Variants in ASIC2 observed in about 807,000 individuals in gnomAD.
ASIC2 encodes the protein acid sensing ion channel subunit 2.
Under a neutral mutation model 57.3 loss-of-function variants are expected in ASIC2, and 25 were observed. The ratio of observed to expected loss-of-function variants is 0.44; its 90% CI spans 0.32 to 0.61. The LOEUF (loss-of-function observed/expected upper bound fraction) is 0.61. ASIC2 is among the 20% of genes least tolerant of loss of function. ASIC2 has a pLI of 0.06. For missense variants in ASIC2, 641 were observed against 738.1 expected (o/e 0.87, Z 1.52); for synonymous variants, 319 against 307.5 (o/e 1.04, Z -0.39).
At chr17:33,543,119 C>T (rs1915470870) in intron 1 of ASIC2, among the ~76,000 whole-genome samples, 1 of 125,642 alleles carries the variant, frequency 8.0e-6, no homozygotes, top group African/African-American at 3.3e-5. Flanking sequence ...GGGAATATCA[C>T]ACTCTGGGGA....
At chr17:33,034,409 A>T (rs535444400) in intron 3 of ASIC2, among the ~76,000 whole-genome samples, 9 of 152,304 alleles carry the variant, frequency 5.9e-5, no homozygotes, top group Admixed American at 5.2e-4. Flanking sequence ...AGGTGGGAGG[A>T]TCGCTTGAGC....
intron 1 of ASIC2, among the ~76,000 whole-genome samples, chr17:33,414,047 C>A (rs1021119570): frequency 2.6e-5 from 4 of 152,188 alleles, no homozygotes; most frequent in Non-Finnish European, 4.4e-5. Context: ...CTTGCAGTAG[C>A]CCGAGAGTAG....
intron 1 of ASIC2, among the ~76,000 whole-genome samples, chr17:34,023,378 AACACACACACAC>A (rs59456457): frequency 3.4e-5 from 5 of 147,496 alleles, no homozygotes; most frequent in South Asian, 4.4e-4. Flanking sequence ...CTCTGTCACA[AACACACACACAC>A]ACACACACAC....
chr17:33,364,916 G>A (rs113274016), intron 1 of ASIC2, among the ~76,000 whole-genome samples: 13 of 152,164 alleles, frequency 8.5e-5, no homozygotes, highest in African/African-American at 1.9e-4. Context: ...GTCCAACTCC[G>A]CAGTCAAGTA....
At chr17:33,986,066 C>T (rs1011219280) in intron 1 of ASIC2, among the ~76,000 whole-genome samples, 1 of 152,130 alleles carries the variant, frequency 6.6e-6, no homozygotes, top group African/African-American at 2.4e-5. Flanking sequence ...TTGCAATCCC[C>T]CTTATTTGAA....
At chr17:33,191,182 G>A (rs1194029083) in intron 1 of ASIC2, among the ~76,000 whole-genome samples, 4 of 152,104 alleles carry the variant, frequency 2.6e-5, no homozygotes, top group African/African-American at 9.7e-5. Flanking sequence ...CAACAACATG[G>A]AGAGGTCTAA....
intron 1 of ASIC2, among the ~76,000 whole-genome samples, chr17:33,186,930 T>C (rs1906219949): frequency 6.6e-6 from 1 of 152,192 alleles, no homozygotes; most frequent in African/African-American, 2.4e-5. Context: ...CTAGATCAGA[T>C]TGTGATGTGC....
chr17:33,045,256 C>T (rs1567725277), intron 3 of ASIC2, among the ~76,000 whole-genome samples: 1 of 152,192 alleles, frequency 6.6e-6, no homozygotes, highest in Non-Finnish European at 1.5e-5. Context: ...TCTGTGCCCT[C>T]CCTTCCTCTC....
intron 1 of ASIC2, among the ~76,000 whole-genome samples, chr17:34,099,168 GA>G (rs1183556923): frequency 0.014 from 98 of 6,780 alleles, 9 homozygotes; most frequent in African/African-American, 0.026. Context: ...GAGAGAGAAA[GA>G]AAGAAAGAAA....
chr17:33,672,003 T>TC (rs940087307), intron 1 of ASIC2, among the ~76,000 whole-genome samples: 3 of 151,858 alleles, frequency 2.0e-5, no homozygotes, highest in East Asian at 1.9e-4. Flanking sequence ...AGTTCACTTT[T>TC]CCCCCCCTAT....
intron 3 of ASIC2, among the ~76,000 whole-genome samples, chr17:33,077,696 C>T (rs1344496232): frequency 2.0e-5 from 3 of 152,144 alleles, no homozygotes; most frequent in Non-Finnish European, 4.4e-5. Flanking sequence ...TTTGTCACAA[C>T]ATAAACAAAT....
At chr17:33,074,775 G>T (rs757144875) in intron 3 of ASIC2, among the ~76,000 whole-genome samples, 8 of 152,172 alleles carry the variant, frequency 5.3e-5, no homozygotes, top group African/African-American at 1.9e-4. Context: ...TCCAGTCATT[G>T]CTACCTAATT....
chr17:33,528,481 A>G (rs1227343358), intron 1 of ASIC2, among the ~76,000 whole-genome samples: 1 of 152,172 alleles, frequency 6.6e-6, no homozygotes, highest in Non-Finnish European at 1.5e-5. Flanking sequence ...TAATTTCCCC[A>G]GAGAATGGAA....
intron 1 of ASIC2, among the ~76,000 whole-genome samples, chr17:33,409,517 C>T (rs1483134130): frequency 2.6e-5 from 4 of 152,182 alleles, no homozygotes; most frequent in African/African-American, 4.8e-5. Context: ...GATAGAGATG[C>T]GTGAAGTTGG....
chr17:33,342,605 TC>T (rs1907767671), intron 1 of ASIC2, among the ~76,000 whole-genome samples: 1 of 152,126 alleles, frequency 6.6e-6, no homozygotes, highest in Non-Finnish European at 1.5e-5. Flanking sequence ...ATTGACTAAG[TC>T]CACATTATGA....
intron 3 of ASIC2, among the ~76,000 whole-genome samples, chr17:33,053,725 C>T (rs1056201986): frequency 3.9e-5 from 6 of 152,178 alleles, no homozygotes; most frequent in Non-Finnish European, 7.3e-5. Flanking sequence ...GCCTTCCTAC[C>T]TCCAGTCTCA....
intron 1 of ASIC2, among the ~76,000 whole-genome samples, chr17:33,909,437 G>A (rs1211566155): frequency 1.3e-5 from 2 of 152,228 alleles, no homozygotes; most frequent in Non-Finnish European, 2.9e-5. Flanking sequence ...ATGCCTTCGG[G>A]TGAAGGTGTT....
At chr17:33,321,545 T>C (rs1425597280) in intron 1 of ASIC2, among the ~76,000 whole-genome samples, 1 of 152,240 alleles carries the variant, frequency 6.6e-6, no homozygotes, top group Non-Finnish European at 1.5e-5. Context: ...CTTATTCCTA[T>C]GTAGTACCTC....
intron 1 of ASIC2, among the ~76,000 whole-genome samples, chr17:33,951,556 C>T (rs1342042762): frequency 1.3e-5 from 2 of 151,830 alleles, no homozygotes; most frequent in Non-Finnish European, 2.9e-5. Flanking sequence ...ACCTATTCTT[C>T]CCTCTTTTTT....
Sources: gnomAD v4.1 joint callset for allele counts (sites outside exome capture counted in the v4.1 genomes callset) on GRCh38, gnomAD v4.1.1 for gene constraint, MANE v1.5 for transcripts, NCBI Gene and HGNC (gene_info 2026-07-23, HGNC 2026-07-21) for gene names.